C8orf74: variants seen among roughly 807,000 people sequenced by gnomAD.
C8orf74 encodes the protein uncharacterized protein C8orf74.
In C8orf74, 29 loss-of-function variants were observed where a neutral mutation model predicts 22.2. The observed-to-expected ratio is 1.31, with a 90% confidence interval of 0.97 to 1.78. The LOEUF (loss-of-function observed/expected upper bound fraction) is 1.78, where lower values mean the gene tolerates loss of function less well. Among genes scored for constraint, C8orf74 ranks in the 40% most tolerant of loss-of-function variants. The probability of loss-of-function intolerance (pLI) is 0.00; values close to 1 mark genes in which losing one functional copy is unlikely to be tolerated. For missense variants in C8orf74, 515 were observed against 369.9 expected (o/e 1.39, Z -3.22); for synonymous variants, 255 against 163.1 (o/e 1.56, Z -4.30).
intron 2 of C8orf74, among the ~76,000 whole-genome samples, chr8:10,683,758 G>A (rs1799201758): frequency 6.6e-6 from 1 of 152,208 alleles, no homozygotes; most frequent in African/African-American, 2.4e-5. Context: ...AGACATCCAG[G>A]AATCCCGTCT....
Position 10,694,296 on chromosome 8 carries a change from T to C in C8orf74, c.242-3303T>C, listed in dbSNP as rs192637435. Among the ~76,000 whole-genome samples the C allele has an allele frequency of 7.4e-4, 113 of 152,286 alleles. 1 individual carries two copies. The highest frequency in any genetic ancestry group is 1.3e-3 in the Non-Finnish European group (88 of 68,030). On this transcript the variant is annotated intron_variant, in intron 2 of 3. Coordinates refer to ENST00000304519, the MANE Select transcript of C8orf74 (RefSeq NM_001040032.2). ...AACAATTTATAGGTTCAGTCACCGTTTGACAAACTAATCTTGGATGAATGG... is the reference window on the plus strand; with the variant it reads ...AACAATTTATAGGTTCAGTCACCGTCTGACAAACTAATCTTGGATGAATGG...
intron 2 of C8orf74, among the ~76,000 whole-genome samples, chr8:10,680,484 T>C (rs138976013): frequency 4.6e-5 from 7 of 152,300 alleles, no homozygotes; most frequent in African/African-American, 1.7e-4. Flanking sequence ...TGTCCAAGAC[T>C]CATCAAACAG....
intron 2 of C8orf74, among the ~76,000 whole-genome samples, chr8:10,682,994 G>A (rs144197004): frequency 3.3e-5 from 5 of 152,260 alleles, no homozygotes; most frequent in Non-Finnish European, 7.3e-5. Context: ...AGTGAGTGGT[G>A]TTGGGATTTG....
chr8:10,693,924 A>T (rs1799436337), intron 2 of C8orf74, among the ~76,000 whole-genome samples: 1 of 152,200 alleles, frequency 6.6e-6, no homozygotes, highest in African/African-American at 2.4e-5. Flanking sequence ...AGCTCTTGCC[A>T]TCATCTGCCT....
rs11997588 is a variant in C8orf74, at chr8:10,694,340, T to G, written c.242-3259T>G. Among the ~76,000 whole-genome samples the G allele has an allele frequency of 5.3e-3, 802 of 152,292 alleles. 6 individuals are homozygous for G. Among genetic ancestry groups the G allele is most frequent in the African/African-American group, 0.018 (763 of 41,576 alleles). On this transcript the variant is annotated intron_variant, in intron 2 of 3. Transcript: ENST00000304519. Reference sequence around the variant, plus strand: ...TGAATGGAAGGATAAATATGTAAACTGAAAAGTATCTGAGACAGGTCTCAA... The same window carrying G: ...TGAATGGAAGGATAAATATGTAAACGGAAAAGTATCTGAGACAGGTCTCAA...
rs756850903 is a variant in C8orf74, at chr8:10,697,777, C to T, written c.420C>T (p.Ala140=). ...GQDQQVDLTV[A]HLEVCMPPHP... ...ACCAGCAGGTCGACCTGACCGTTGC[C>T]CACCTGGAGGTGTGCATGCCACCCC... Residue 140 remains alanine (A), a synonymous_variant, in exon 3 of 4, where the codon GCC becomes GCT. Coordinates refer to ENST00000304519, the MANE Select transcript of C8orf74 (RefSeq NM_001040032.2). The T allele has an allele frequency of 1.1e-5, 18 of 1,613,934 alleles. No individual in the cohort carries two copies. The highest frequency in any genetic ancestry group is 2.7e-5 in the African/African-American group (2 of 74,938).
At chr8:10,687,450 G>A (rs1799284904) in intron 2 of C8orf74, among the ~76,000 whole-genome samples, 2 of 151,964 alleles carry the variant, frequency 1.3e-5, no homozygotes, top group African/African-American at 2.4e-5. Flanking sequence ...AGGAGTTCAA[G>A]ACCAGCCTGA....
chr8:10,687,328 T>G, intron 2 of C8orf74: 1 of 316,398 alleles, frequency 3.2e-6, no homozygotes, highest in East Asian at 8.6e-5. Context: ...TGCAATGGTT[T>G]TTATTAAAAG....
chr8:10,694,683 G>C (rs1396994319), intron 2 of C8orf74, among the ~76,000 whole-genome samples: 1 of 152,208 alleles, frequency 6.6e-6, no homozygotes, highest in Non-Finnish European at 1.5e-5. Flanking sequence ...AGTTTCTTGT[G>C]TTACTCAACT....
chr8:10,690,248 A>C (rs7823200), intron 2 of C8orf74, among the ~76,000 whole-genome samples: 89,131 of 151,920 alleles, frequency 0.59, 28,711 homozygotes, highest in African/African-American at 0.87. Context: ...CCTGTGCCAG[A>C]CTCACCGTGC....
chr8:10,680,564 T>C (rs755338589), intron 2 of C8orf74, among the ~76,000 whole-genome samples: 2 of 152,192 alleles, frequency 1.3e-5, no homozygotes, highest in Admixed American at 6.5e-5. Flanking sequence ...ATCAGGGTGC[T>C]CACTGTCTAC....
At chr8:10,688,770 C>T (rs1799315089) in intron 2 of C8orf74, 1 of 152,550 alleles carries the variant, frequency 6.6e-6, no homozygotes, top group African/African-American at 2.4e-5. Context: ...ACCAGCCTGC[C>T]CTCTCTCCTC....
At chr8:10,696,431 CTTTTCTTTTCTTTTT>C (rs1247996032) in intron 2 of C8orf74, among the ~76,000 whole-genome samples, 3 of 132,244 alleles carry the variant, frequency 2.3e-5, no homozygotes, top group African/African-American at 1.0e-4. Context: ...CTTTTCTTTT[CTTTTCTTTTCTTTTT>C]TTTTTTTTTT....
chr8:10,683,494 G>C (rs550972844), intron 2 of C8orf74, among the ~76,000 whole-genome samples: 7 of 152,344 alleles, frequency 4.6e-5, no homozygotes, highest in African/African-American at 1.7e-4. Context: ...TCTCAGGCTG[G>C]GAATGGCACT....
intron 2 of C8orf74, among the ~76,000 whole-genome samples, chr8:10,677,005 T>C (rs1225474138): frequency 6.6e-6 from 1 of 152,172 alleles, no homozygotes; most frequent in Non-Finnish European, 1.5e-5. Flanking sequence ...TCTGGAGCTT[T>C]CGGCACTTCT....
rs972704404 is a variant in C8orf74, at chr8:10,678,557, T to C, written c.241+3719T>C. On this transcript the variant is annotated intron_variant, in intron 2 of 3. Coordinates refer to ENST00000304519, the MANE Select transcript of C8orf74 (RefSeq NM_001040032.2). ...CCCAGTGACCCTGCACTGCAGGAGATGGGGCAGGACCAGAGGCAGGACCAG... is the reference window on the plus strand; with the variant it reads ...CCCAGTGACCCTGCACTGCAGGAGACGGGGCAGGACCAGAGGCAGGACCAG... Among the ~76,000 whole-genome samples, 8 of 142,094 alleles carry C rather than the reference T, an allele frequency of 5.6e-5. No homozygotes were observed. The East Asian group carries it at 6.2e-4, about 11-fold the overall frequency. The allele number at this position is 142,094 out of a possible 152,430, so 93.2% of individuals were successfully genotyped here. A position where few individuals can be genotyped will look rare whatever the true frequency, so the allele number is the denominator to read the frequency against.
intron 1 of C8orf74, among the ~76,000 whole-genome samples, chr8:10,673,205 C>T (rs1339891887): frequency 1.3e-5 from 2 of 152,106 alleles, no homozygotes; most frequent in Non-Finnish European, 2.9e-5. Context: ...GGATCCCTTG[C>T]CTCAGGAAAG....
At chr8:10,694,415 G>T (rs113874832) in intron 2 of C8orf74, among the ~76,000 whole-genome samples, 7 of 152,236 alleles carry the variant, frequency 4.6e-5, no homozygotes, top group Non-Finnish European at 5.9e-5. Context: ...CTGGGAGAAA[G>T]ATCCGTTCCT....
At chr8:10,689,928 G>A (rs555771245) in intron 2 of C8orf74, among the ~76,000 whole-genome samples, 4 of 152,148 alleles carry the variant, frequency 2.6e-5, no homozygotes, top group African/African-American at 7.2e-5. Flanking sequence ...GAAAATCTAT[G>A]TGTAAGTGGA....
Sources: gnomAD v4.1 joint callset for allele counts (sites outside exome capture counted in the v4.1 genomes callset) on GRCh38, gnomAD v4.1.1 for gene constraint, MANE v1.5 for transcripts, NCBI Gene and HGNC (gene_info 2026-07-23, HGNC 2026-07-21) for gene names.